DLK1: variants seen among roughly 807,000 people sequenced by gnomAD.
DLK1 encodes the protein delta like non-canonical Notch ligand 1.
A neutral mutation model predicts 35.2 loss-of-function variants in DLK1; 9 were observed. The observed-to-expected ratio is 0.26, with a 90% confidence interval of 0.15 to 0.45. DLK1 has a LOEUF of 0.45. Among genes scored for constraint, DLK1 ranks in the 20% least tolerant of loss-of-function variants. The probability of loss-of-function intolerance (pLI) is 1.00; values close to 1 mark genes in which losing one functional copy is unlikely to be tolerated. For synonymous variants in DLK1, 231 were observed against 228.4 expected, an observed-to-expected ratio of 1.01 and a Z score of -0.10; for missense variants, 522 against 528.5, an observed-to-expected ratio of 0.99 and a Z score of 0.12.
chr14:100,730,661 C>T (rs1459440017), intron 3 of DLK1, among the ~76,000 whole-genome samples: 2 of 152,156 alleles, frequency 1.3e-5, no homozygotes, highest in East Asian at 1.9e-4. Flanking sequence ...TGGGGGTGGT[C>T]GCCAGCTTTT....
chr14:100,729,009 G>A lies in DLK1; in HGVS notation c.205G>A (p.Gly69Arg). Reference protein sequence around the residue: ...TSPGCLHGLCGEPGQCICTDG... With the variant: ...TSPGCLHGLCREPGQCICTDG... ...TCCCGGCTGCCTTCACGGACTCTGT[G>A]GAGAACCCGGGCAGTGCATTTGCAC... is the stretch of plus-strand genomic sequence containing the variant. The change falls in exon 3 of 5, where the codon GGA (glycine) becomes AGA (arginine). Residue 69 changes from glycine to arginine, a missense_variant. Transcript: ENST00000341267. The A allele has an allele frequency of 1.2e-6, 2 of 1,614,098 alleles. No homozygotes were observed. The highest frequency in any genetic ancestry group is 1.7e-6 in the Non-Finnish European group (2 of 1,180,042).
chr14:100,734,819 C>T lies in DLK1; in HGVS notation c.1075C>T (p.Leu359=), dbSNP rs1254523935. The change falls in exon 5 of 5, where the codon CTG becomes TTG. Residue 359 remains leucine, a synonymous_variant. Coordinates refer to ENST00000341267, the MANE Select transcript of DLK1 (RefSeq NM_003836.7). The surrounding 1 kb of genome is among the most constrained non-coding windows in gnomAD (Gnocchi z 7.4). ...GCTTCAGTACAACAGCGGGGAGGAC[C>T]TGGCCGTCAACATCATCTTCCCCGA... ...LLLQYNSGED[L]AVNIIFPEKI... 1.2e-6 allele frequency: 2 copies of T among 1,613,612 alleles called. No homozygotes were observed. The highest frequency in any genetic ancestry group is 1.3e-5 in the African/African-American group (1 of 75,030).
chr14:100,729,100 G>C (rs372623024), intron 3 of DLK1, 34 bp downstream of exon 3: 1 of 1,611,408 alleles, frequency 6.2e-7, no homozygotes, highest in Non-Finnish European at 8.5e-7. Flanking sequence ...TCAGCTCTGC[G>C]TCCTTACCTG....
intron 3 of DLK1, among the ~76,000 whole-genome samples, chr14:100,730,652 G>T (rs1033180768): frequency 1.3e-5 from 2 of 152,218 alleles, no homozygotes; most frequent in Admixed American, 1.3e-4. Flanking sequence ...GGGACAAGCT[G>T]GGGGTGGTCG....
rs774427009 is a variant in DLK1, at chr14:100,734,543, C to T, written c.799C>T (p.Arg267Cys). The T allele has an allele frequency of 1.1e-5, 17 of 1,612,600 alleles. No homozygotes were observed. The highest frequency in any genetic ancestry group is 6.7e-5 in the East Asian group (3 of 44,872). ...GCCCAGCGGCTATGGGCTGGCCTAC[C>T]GCCTGACCCCTGGGGTGCACGAGCT... ...RLPSGYGLAYRLTPGVHELPV... is the reference protein window; with the variant it reads ...RLPSGYGLAYCLTPGVHELPV... The change falls in exon 5 of 5, where the codon CGC becomes TGC. Residue 267 changes from arginine to cysteine, a missense_variant. Arg to Cys is a radical substitution (Grantham distance 180, BLOSUM62 -3). Coordinates refer to ENST00000341267, the MANE Select transcript of DLK1 (RefSeq NM_003836.7). The surrounding 1 kb of genome is among the most constrained non-coding windows in gnomAD (Gnocchi z 7.4).
chr14:100,728,399 C>G lies in DLK1; in HGVS notation c.71C>G (p.Ala24Gly), dbSNP rs747243105. ...TATAACCTTTCTTGTACCTCAGGGG[C>G]TGAATGCTTCCCGGCCTGCAACCCC... ...LLAFGHSTYG[A>G]ECFPACNPQN... The change falls in exon 2 of 5, where the codon GCT becomes GGT. Residue 24 changes from alanine to glycine, a missense_variant. By Grantham distance (60) the Ala-to-Gly change is moderately conservative. Coordinates refer to ENST00000341267, the MANE Select transcript of DLK1 (RefSeq NM_003836.7). 1.9e-6 allele frequency: 3 copies of G among 1,613,786 alleles called. No individual in the cohort carries two copies. The highest frequency in any genetic ancestry group is 2.5e-6 in the Non-Finnish European group (3 of 1,179,846).
rs2036445505 is a variant in DLK1 at position 100,727,197 on chromosome 14, C to T, written c.67+62C>T. ...GGGAAGCCTGCGACTCCCCGCCGGC[C>T]GCCCGGTGCCCCGCACGCCCCGTCT... is the stretch of plus-strand genomic sequence containing the variant. On this transcript the variant is annotated intron_variant, in intron 1 of 4. Coordinates refer to ENST00000341267, the MANE Select transcript of DLK1 (RefSeq NM_003836.7). The T allele has an allele frequency of 2.0e-6, 3 of 1,470,672 alleles. No homozygotes were observed. The Admixed American group carries it at 6.5e-5, about 32-fold the overall frequency. 91.1% of individuals were successfully genotyped at this position (1,470,672 alleles called of 1,614,324 possible).
chr14:100,735,208 A>C lies in DLK1; in HGVS notation c.*312A>C. On this transcript the variant is annotated 3_prime_UTR_variant, in exon 5 of 5. Coordinates refer to ENST00000341267, the MANE Select transcript of DLK1 (RefSeq NM_003836.7). ...GACCAAAAAAAAACAAGGCAACAGA[A>C]CCAGGGCTCAGTGCCGACGCCCCTA... The C allele has an allele frequency of 4.0e-6, 1 of 249,878 alleles. No homozygotes were observed. The highest frequency in any genetic ancestry group is 8.4e-5 in the East Asian group (1 of 11,876). The allele number at this position is 249,878 out of a possible 1,614,324, so 15.5% of individuals were successfully genotyped here.
At chr14:100,730,350 G>A (rs2036493225) in intron 3 of DLK1, among the ~76,000 whole-genome samples, 1 of 152,182 alleles carries the variant, frequency 6.6e-6, no homozygotes, top group Admixed American at 6.5e-5. Flanking sequence ...GTACACCCTT[G>A]CTGAAATTTT....
Position 100,735,290 on chromosome 14 carries a change from C to T in DLK1, c.*394C>T, listed in dbSNP as rs572806144. The T allele has an allele frequency of 1.2e-5, 2 of 173,610 alleles. No individual in the cohort carries two copies. The highest frequency in any genetic ancestry group is 4.7e-5 in the African/African-American group (2 of 42,278). 10.8% of individuals were successfully genotyped at this position (173,610 alleles called of 1,614,324 possible). A position where few individuals can be genotyped will look rare whatever the true frequency, so the allele number is the denominator to read the frequency against. ...AAACCGTTACGAGTGCTGTACATGACCACCCACTGTGCAAAGAGCTACGAT... is the reference window on the plus strand; with the variant it reads ...AAACCGTTACGAGTGCTGTACATGATCACCCACTGTGCAAAGAGCTACGAT... On this transcript the variant is annotated 3_prime_UTR_variant, in exon 5 of 5. Coordinates refer to ENST00000341267, the MANE Select transcript of DLK1 (RefSeq NM_003836.7).
intron 1 of DLK1, among the ~76,000 whole-genome samples, chr14:100,727,614 A>G (rs2036451868): frequency 6.6e-6 from 1 of 152,026 alleles, no homozygotes; most frequent in South Asian, 2.1e-4. Context: ...AGGGGCTGCG[A>G]CACTTCTGTC....
rs1221795589 is a variant in DLK1 at position 100,734,199 on chromosome 14, C to G, written c.455C>G (p.Ser152Cys). 3 of 1,612,934 alleles carry G rather than the reference C, an allele frequency of 1.9e-6. No homozygotes were observed. The Admixed American group carries it at 5.0e-5, about 27-fold the overall frequency. Reference protein sequence around the residue: ...GTCVDDEGRASHASCLCPPGF... With the variant: ...GTCVDDEGRACHASCLCPPGF... ...TGCGTGGATGATGAGGGCCGGGCCT[C>G]CCATGCCTCCTGCCTGTGCCCCCCT... The change falls in exon 5 of 5, where the codon TCC (serine) becomes TGC (cysteine). Residue 152 changes from serine to cysteine, a missense_variant. Coordinates refer to ENST00000341267, the MANE Select transcript of DLK1 (RefSeq NM_003836.7). The surrounding 1 kb of genome is among the most constrained non-coding windows in gnomAD (Gnocchi z 7.4).
chr14:100,728,500 G>A lies in DLK1; in HGVS notation c.131+41G>A, dbSNP rs374599665. On this transcript the variant is annotated intron_variant, in intron 2 of 4. Transcript: ENST00000341267. ...CTCAGAGGCAGCTTGTAGGGGCCAC[G>A]CAGAAGCCTGGGGAGTCGTGAAGTC... The A allele has an allele frequency of 1.9e-5, 30 of 1,607,366 alleles. No homozygotes were observed. In the African/African-American group the frequency reaches 2.8e-4, roughly 15 times the overall value.
At chr14:100,732,313 C>G in intron 4 of DLK1, 130 bp downstream of exon 4, 1 of 1,375,974 alleles carries the variant, frequency 7.3e-7, no homozygotes, top group Non-Finnish European at 9.8e-7. Context: ...CTGGCAGCCC[C>G]GTAGGGGACC....
rs774922477 is a variant in DLK1 at position 100,734,341 on chromosome 14, C to T, written c.597C>T (p.Gly199=). Reference sequence around the variant, plus strand: ...ACTTCCGCTGCCGGTGCCCAGCCGGCTTCATCGACAAGACCTGCAGCCGCC... The same window carrying T: ...ACTTCCGCTGCCGGTGCCCAGCCGGTTTCATCGACAAGACCTGCAGCCGCC... ...GGDFRCRCPA[G]FIDKTCSRPV... Residue 199 remains glycine (G), a synonymous_variant, in exon 5 of 5, where the codon GGC becomes GGT. Transcript: ENST00000341267. This position sits in a 1 kb window ranked among gnomAD's most constrained non-coding sequence, Gnocchi z 7.4. The T allele has an allele frequency of 1.9e-6, 3 of 1,612,854 alleles. No individual in the cohort carries two copies. The highest frequency in any genetic ancestry group is 2.7e-5 in the African/African-American group (2 of 74,920).
intron 1 of DLK1, 134 bp downstream of exon 1, chr14:100,727,269 T>A (rs1229119786): frequency 1.1e-6 from 1 of 942,602 alleles, no homozygotes; most frequent in Non-Finnish European, 1.5e-6. Context: ...AGCCCCGCGC[T>A]GTGCCTGTCT....
Position 100,734,630 on chromosome 14 carries a change from A to T in DLK1, c.886A>T (p.Thr296Ser), listed in dbSNP as rs766642557. ...GTCCATGAAAGAGCTCAACAAGAAAACCCCTCTCCTCACCGAGGGCCAGGC... is the reference window on the plus strand; with the variant it reads ...GTCCATGAAAGAGCTCAACAAGAAATCCCCTCTCCTCACCGAGGGCCAGGC... Reference protein sequence around the residue: ...KVSMKELNKKTPLLTEGQAIC... With the variant: ...KVSMKELNKKSPLLTEGQAIC... The change falls in exon 5 of 5, where the codon ACC (threonine) becomes TCC (serine). Residue 296 changes from threonine to serine, a missense_variant. By Grantham distance (58) the Thr-to-Ser change is moderately conservative. Transcript: ENST00000341267. The surrounding 1 kb of genome is among the most constrained non-coding windows in gnomAD (Gnocchi z 7.4). 6.2e-7 allele frequency: 1 copy of T among 1,612,924 alleles called. No individual in the cohort carries two copies. Among genetic ancestry groups the T allele is most frequent in the South Asian group, 1.1e-5 (1 of 90,998 alleles).
intron 3 of DLK1, 157 bp downstream of exon 3, chr14:100,729,223 G>T (rs1249288739): frequency 7.4e-7 from 1 of 1,353,426 alleles, no homozygotes; most frequent in Non-Finnish European, 1.0e-6. Context: ...TAAATTTCCT[G>T]TGGGTACCGA....
intron 4 of DLK1, 104 bp downstream of exon 4, chr14:100,732,287 G>A: frequency 6.6e-7 from 1 of 1,504,942 alleles, no homozygotes; most frequent in East Asian, 2.4e-5. Flanking sequence ...GACAAAAGAT[G>A]AAGTAAGCGC....
Sources: gnomAD v4.1 joint callset for allele counts (sites outside exome capture counted in the v4.1 genomes callset) on GRCh38, gnomAD v4.1.1 for gene constraint, Gnocchi (gnomAD v3.1) non-coding constraint, MANE v1.5 for transcripts, NCBI Gene and HGNC (gene_info 2026-07-23, HGNC 2026-07-21) for gene names.